EXD3: variants seen among roughly 807,000 people sequenced by gnomAD.
The protein encoded by EXD3 is exonuclease mut-7 homolog.
Under a neutral mutation model 98.0 loss-of-function variants are expected in EXD3, and 92 were observed. That is an observed-to-expected ratio of 0.94 (90% CI 0.79 to 1.12). EXD3 has a LOEUF of 1.12. Ranked by LOEUF, EXD3 falls within the 50% of genes most tolerant of loss-of-function variation. EXD3 has a pLI of 0.00. For missense variants in EXD3, 1,222 were observed against 1,191.6 expected, an observed-to-expected ratio of 1.03 and a Z score of -0.38; for synonymous variants, 569 against 526.0, an observed-to-expected ratio of 1.08 and a Z score of -1.12.
At chr9:137,326,050 G>A (rs1832384511) in intron 17 of EXD3, among the ~76,000 whole-genome samples, 1 of 148,576 alleles carries the variant, frequency 6.7e-6, no homozygotes, top group Non-Finnish European at 1.5e-5. Context: ...TCAGACTCCA[G>A]CCTGGGCTAC....
intron 16 of EXD3, among the ~76,000 whole-genome samples, chr9:137,348,448 G>A (rs571547469): frequency 6.4e-5 from 9 of 139,600 alleles, no homozygotes; most frequent in East Asian, 2.3e-4. Flanking sequence ...ATGCTGGGGG[G>A]GCTCCACGTG....
chr9:137,340,674 T>G (rs1438013821), intron 17 of EXD3, among the ~76,000 whole-genome samples: 1 of 151,982 alleles, frequency 6.6e-6, no homozygotes, highest in African/African-American at 2.4e-5. Flanking sequence ...ACCACAGGTG[T>G]GCACCACCAT....
chr9:137,400,534 G>C (rs1837428402), intron 1 of EXD3, among the ~76,000 whole-genome samples: 1 of 152,180 alleles, frequency 6.6e-6, no homozygotes, highest in South Asian at 2.1e-4. Context: ...GGGAGGCCGA[G>C]GAGGGTGGAT....
At chr9:137,350,279 T>G (rs1588318755) in intron 14 of EXD3, among the ~76,000 whole-genome samples, 1 of 55,034 alleles carries the variant, frequency 1.8e-5, no homozygotes, top group Non-Finnish European at 3.6e-5. Flanking sequence ...TAGAGAGGGG[T>G]GGGGATTACG....
At chr9:137,328,823 CACACGGGACTACACGGGACT>C in intron 17 of EXD3, among the ~76,000 whole-genome samples, 1 of 18,788 alleles carries the variant, frequency 5.3e-5, no homozygotes. Context: ...TACACAGGGT[CACACGGGACTACACGGGACT>C]ACACGGGGCT....
chr9:137,415,142 C>T (rs929810060), intron 1 of EXD3, among the ~76,000 whole-genome samples: 1 of 151,910 alleles, frequency 6.6e-6, no homozygotes, highest in African/African-American at 2.4e-5. Context: ...CCCACCTCGG[C>T]CTCTCAAAAT....
intron 7 of EXD3, chr9:137,365,864 CAG>C (rs1222400563): frequency 5.5e-6 from 2 of 366,490 alleles, no homozygotes; most frequent in African/African-American, 2.1e-5. Flanking sequence ...AATGCACACA[CAG>C]ATATACATGC....
intron 1 of EXD3, among the ~76,000 whole-genome samples, chr9:137,402,296 G>A (rs1398087060): frequency 6.6e-6 from 1 of 152,222 alleles, no homozygotes; most frequent in Non-Finnish European, 1.5e-5. Context: ...TTACAGGTGT[G>A]AGCCATTGTG....
intron 1 of EXD3, among the ~76,000 whole-genome samples, chr9:137,420,746 C>CA (rs1051538391): frequency 3.9e-4 from 57 of 147,890 alleles, no homozygotes; most frequent in Admixed American, 6.8e-4. Flanking sequence ...CACCCCCCCC[C>CA]CCAAATTCAT....
intron 19 of EXD3, among the ~76,000 whole-genome samples, chr9:137,318,497 C>T (rs890613480): frequency 3.3e-5 from 5 of 152,078 alleles, no homozygotes; most frequent in East Asian, 1.9e-4. Context: ...GGGACTGGGA[C>T]GGTAAAAATA....
intron 19 of EXD3, among the ~76,000 whole-genome samples, chr9:137,315,343 T>C (rs1831587949): frequency 6.6e-6 from 1 of 152,216 alleles, no homozygotes; most frequent in Non-Finnish European, 1.5e-5. Flanking sequence ...GCCTGGGGCT[T>C]GGCTGCCTTT....
chr9:137,399,444 C>T (rs1837380916), intron 1 of EXD3, among the ~76,000 whole-genome samples: 1 of 152,280 alleles, frequency 6.6e-6, no homozygotes, highest in Middle Eastern at 3.4e-3. Context: ...CCTTCTCTGC[C>T]TTTTTGGGAG....
intron 17 of EXD3, among the ~76,000 whole-genome samples, chr9:137,328,184 G>A (rs74215139): frequency 4.2e-4 from 11 of 26,310 alleles, no homozygotes; most frequent in South Asian, 3.5e-3. Flanking sequence ...ACACCAATAT[G>A]ATGAGTAAAA....
chr9:137,406,815 C>G (rs575588305), intron 1 of EXD3, among the ~76,000 whole-genome samples: 1 of 152,200 alleles, frequency 6.6e-6, no homozygotes, highest in South Asian at 2.1e-4. Context: ...CCGACCCCCA[C>G]CCCAGGCCGC....
intron 2 of EXD3, chr9:137,392,898 C>G (rs1386164107): frequency 1.7e-5 from 9 of 520,540 alleles, no homozygotes; most frequent in African/African-American, 4.2e-5. Flanking sequence ...TTCCAGCGGG[C>G]ACCATGTCTG....
intron 16 of EXD3, among the ~76,000 whole-genome samples, chr9:137,348,674 T>G (rs1588313298): frequency 2.3e-5 from 1 of 42,572 alleles, no homozygotes. Context: ...GGGGTGGGGA[T>G]CACGGGGAGG....
chr9:137,383,334 C>T lies in EXD3; in HGVS notation c.99G>A (p.Trp33Ter). 2.6e-6 allele frequency: 4 copies of T among 1,550,458 alleles called. No individual in the cohort carries two copies. The highest frequency in any genetic ancestry group is 3.5e-6 in the Non-Finnish European group (4 of 1,146,872). The change falls in exon 3 of 22, where the codon TGG (tryptophan) becomes TGA (stop). Residue 33 changes from tryptophan to a stop codon, truncating the protein, a stop_gained. Coordinates refer to ENST00000340951, the MANE Select transcript of EXD3 (RefSeq NM_017820.5). LOFTEE classifies it high-confidence loss of function. Reference sequence around the variant, plus strand: ...TCACCTGCTTCCGCTCCCGCGTGGACCACAGGGTCTGCAGGGCCTGCAGGA... The same window carrying T: ...TCACCTGCTTCCGCTCCCGCGTGGATCACAGGGTCTGCAGGGCCTGCAGGA... ...LLLLQALQTLWSTRERKQLRE... is the reference protein window; with the variant it reads ...LLLLQALQTL
chr9:137,373,902 A>G (rs1835768632), intron 3 of EXD3, among the ~76,000 whole-genome samples: 1 of 152,268 alleles, frequency 6.6e-6, no homozygotes, highest in Non-Finnish European at 1.5e-5. Context: ...CAGGTTCACA[A>G]GTCACTTTAC....
chr9:137,325,060 A>T (rs1832317152), intron 17 of EXD3, among the ~76,000 whole-genome samples: 1 of 152,184 alleles, frequency 6.6e-6, no homozygotes, highest in Non-Finnish European at 1.5e-5. Flanking sequence ...TGAATTTCTG[A>T]TGTATGTTAT....
Sources: allele counts gnomAD v4.1 joint callset (sites outside exome capture counted in the v4.1 genomes callset), GRCh38; gene constraint gnomAD v4.1.1; transcripts MANE v1.5; gene names NCBI Gene and HGNC (gene_info 2026-07-23, HGNC 2026-07-21).